NRXN3: variants seen among roughly 807,000 people sequenced by gnomAD.
NRXN3 encodes neurexin 3.
In NRXN3, 32 loss-of-function variants were observed where a neutral mutation model predicts 137.6. The observed-to-expected ratio is 0.23, with a 90% CI of 0.18 to 0.31. The LOEUF is 0.31. Ranked by LOEUF, NRXN3 falls within the 10% of genes least tolerant of loss-of-function variation. NRXN3 has a pLI of 1.00. For synonymous variants in NRXN3, 798 were observed against 784.5 expected, an observed-to-expected ratio of 1.02 and a Z score of -0.29; for missense variants, 1,574 against 2,062.5, an observed-to-expected ratio of 0.76 and a Z score of 4.59.
intron 4 of NRXN3, among the ~76,000 whole-genome samples, chr14:78,378,047 A>C (rs926225217): frequency 2.6e-5 from 4 of 152,340 alleles, no homozygotes; most frequent in Admixed American, 6.5e-5. Context: ...ATAAATTCAA[A>C]AGAATTGAAA....
At chr14:78,695,757 A>G (rs569889491) in intron 6 of NRXN3, 3 of 152,140 alleles carry the variant, frequency 2.0e-5, no homozygotes, top group African/African-American at 7.2e-5. Flanking sequence ...GTCCAGCAGT[A>G]GCTCTTGCCA....
At chr14:79,178,281 A>G (rs750974959) in intron 15 of NRXN3, among the ~76,000 whole-genome samples, 21 of 152,332 alleles carry the variant, frequency 1.4e-4, no homozygotes, top group Non-Finnish European at 2.6e-4. Context: ...TTATGTAATG[A>G]CCATCTGTGG....
At chr14:78,595,748 T>C (rs1290379782) in intron 4 of NRXN3, among the ~76,000 whole-genome samples, 1 of 152,150 alleles carries the variant, frequency 6.6e-6, no homozygotes, top group Non-Finnish European at 1.5e-5. Flanking sequence ...ATGGCTCTTT[T>C]GGGGAGACGT....
chr14:79,168,809 T>G (rs113482816), intron 15 of NRXN3, among the ~76,000 whole-genome samples: 1 of 152,246 alleles, frequency 6.6e-6, no homozygotes, highest in Admixed American at 6.5e-5. Flanking sequence ...TGTTTCTGTA[T>G]GTGAAATTTA....
chr14:79,605,935 C>T (rs959158801), intron 16 of NRXN3, among the ~76,000 whole-genome samples: 4 of 152,162 alleles, frequency 2.6e-5, no homozygotes, highest in South Asian at 2.1e-4. Context: ...CAAGGATGCA[C>T]GCTGTCAAGT....
intron 19 of NRXN3, among the ~76,000 whole-genome samples, chr14:79,766,692 T>C (rs2099057103): frequency 6.6e-6 from 1 of 152,224 alleles, no homozygotes; most frequent in Non-Finnish European, 1.5e-5. Flanking sequence ...TATGTTAGAA[T>C]TTACATGAGT....
intron 2 of NRXN3, among the ~76,000 whole-genome samples, chr14:78,272,346 G>C (rs2072920005): frequency 6.6e-6 from 1 of 152,228 alleles, no homozygotes; most frequent in Non-Finnish European, 1.5e-5. Flanking sequence ...TCTGCTTTGA[G>C]AGAATGGACC....
At chr14:79,225,656 C>T (rs1412200829) in intron 15 of NRXN3, among the ~76,000 whole-genome samples, 1 of 152,080 alleles carries the variant, frequency 6.6e-6, no homozygotes, top group African/African-American at 2.4e-5. Flanking sequence ...ACACTTTTTA[C>T]CCCCTGAATC....
intron 15 of NRXN3, among the ~76,000 whole-genome samples, chr14:79,114,682 T>G (rs1352290726): frequency 2.0e-5 from 3 of 152,116 alleles, no homozygotes; most frequent in African/African-American, 7.2e-5. Context: ...GATAACAGGT[T>G]GTTGAGAACA....
At chr14:79,151,290 G>C (rs1308116647) in intron 15 of NRXN3, among the ~76,000 whole-genome samples, 1 of 151,966 alleles carries the variant, frequency 6.6e-6, no homozygotes, top group Non-Finnish European at 1.5e-5. Flanking sequence ...AAACATACAG[G>C]CTCCTATTGT....
chr14:79,817,000 T>C (rs974004435), intron 20 of NRXN3, among the ~76,000 whole-genome samples: 1 of 152,200 alleles, frequency 6.6e-6, no homozygotes, highest in African/African-American at 2.4e-5. Context: ...GATAATTTGA[T>C]TGGGTTTCTG....
At chr14:78,251,615 C>T (rs2068641619) in intron 2 of NRXN3, among the ~76,000 whole-genome samples, 2 of 152,136 alleles carry the variant, frequency 1.3e-5, no homozygotes, top group Admixed American at 1.3e-4. Context: ...TACTTCATAA[C>T]CACCATAGGT....
chr14:78,358,502 C>T (rs1017256281), intron 4 of NRXN3, among the ~76,000 whole-genome samples: 9 of 152,262 alleles, frequency 5.9e-5, no homozygotes, highest in Non-Finnish European at 5.9e-5. Flanking sequence ...CTGGTATAAC[C>T]GCTTGCTTCA....
intron 17 of NRXN3, among the ~76,000 whole-genome samples, chr14:79,684,074 C>CA (rs1203049687): frequency 6.6e-6 from 1 of 152,054 alleles, no homozygotes; most frequent in Non-Finnish European, 1.5e-5. Context: ...AATGAATGCA[C>CA]AAAAAATATG....
intron 16 of NRXN3, among the ~76,000 whole-genome samples, chr14:79,520,698 C>A (rs1444101990): frequency 1.3e-5 from 2 of 152,074 alleles, no homozygotes; most frequent in Non-Finnish European, 2.9e-5. Flanking sequence ...TAGAGAAATG[C>A]AAATCAAAAC....
chr14:78,718,073 C>T lies in NRXN3; in HGVS notation c.2044+2934C>T, dbSNP rs74067519. Reference sequence around the variant, plus strand: ...CTCTATACAGGAATGGAATACTTTTCGGATTAAGGAGCCCTGCCCCATTCA... The same window carrying T: ...CTCTATACAGGAATGGAATACTTTTTGGATTAAGGAGCCCTGCCCCATTCA... On this transcript the variant is annotated intron_variant, in intron 8 of 20. Coordinates refer to ENST00000335750, the MANE Select transcript of NRXN3 (RefSeq NM_001330195.2). Among the ~76,000 whole-genome samples, 278 of 152,218 alleles carry T rather than the reference C, an allele frequency of 1.8e-3. 2 individuals are homozygous for T. The highest frequency in any genetic ancestry group is 0.01 in the East Asian group (54 of 5,166).
intron 4 of NRXN3, among the ~76,000 whole-genome samples, chr14:78,490,480 A>T (rs2095646334): frequency 6.6e-6 from 1 of 152,178 alleles, no homozygotes; most frequent in South Asian, 2.1e-4. Flanking sequence ...CCATGTATGA[A>T]TCTTTTCTGC....
At chr14:79,207,858 T>C (rs2067020095) in intron 15 of NRXN3, among the ~76,000 whole-genome samples, 1 of 152,090 alleles carries the variant, frequency 6.6e-6, no homozygotes, top group Non-Finnish European at 1.5e-5. Flanking sequence ...AAAGTTTTTA[T>C]GGTATATATA....
intron 19 of NRXN3, among the ~76,000 whole-genome samples, chr14:79,785,926 C>A (rs961365802): frequency 6.6e-6 from 1 of 151,676 alleles, no homozygotes; most frequent in Non-Finnish European, 1.5e-5. Flanking sequence ...GGTAAATAAC[C>A]ACTGTGTCAA....
Sources: allele counts gnomAD v4.1 joint callset (sites outside exome capture counted in the v4.1 genomes callset), GRCh38; gene constraint gnomAD v4.1.1; transcripts MANE v1.5; gene names NCBI Gene and HGNC (gene_info 2026-07-23, HGNC 2026-07-21).